Variants in ROR1 observed in about 807,000 individuals in gnomAD.
ROR1 encodes ROR family WNT receptor 1.
A neutral mutation model predicts 78.8 loss-of-function variants in ROR1; 19 were observed. The ratio of observed to expected loss-of-function variants is 0.24; its 90% confidence interval spans 0.17 to 0.35. The LOEUF is 0.35. Among genes scored for constraint, ROR1 ranks in the 10% least tolerant of loss-of-function variants. The pLI, the probability that ROR1 is intolerant of heterozygous loss-of-function variation, is 1.00. For synonymous variants in ROR1, 386 were observed against 433.6 expected (o/e 0.89, Z 1.36); for missense variants, 917 against 1,177.8 (o/e 0.78, Z 3.24).
chr1:63,999,617 C>T (rs1413938645), intron 1 of ROR1, among the ~76,000 whole-genome samples: 1 of 152,168 alleles, frequency 6.6e-6, no homozygotes, highest in Non-Finnish European at 1.5e-5. Context: ...CAATTTTGTT[C>T]ACCATTATAT....
intron 1 of ROR1, among the ~76,000 whole-genome samples, chr1:64,007,605 T>C (rs1276215913): frequency 6.6e-6 from 1 of 152,186 alleles, no homozygotes; most frequent in Non-Finnish European, 1.5e-5. Context: ...AGATTATTGA[T>C]TTGTATGTTT....
intron 1 of ROR1, among the ~76,000 whole-genome samples, chr1:63,928,784 C>A (rs1173310567): frequency 1.3e-5 from 2 of 152,278 alleles, no homozygotes; most frequent in African/African-American, 4.8e-5. Context: ...TGGGTTAATA[C>A]AAATAAAGCT....
chr1:63,865,289 G>A (rs577571031), intron 1 of ROR1, among the ~76,000 whole-genome samples: 6 of 152,268 alleles, frequency 3.9e-5, no homozygotes, highest in Admixed American at 6.5e-5. Context: ...CAGTGTTAGA[G>A]AGATGATAAA....
At chr1:64,090,948 T>C (rs1647191685) in intron 4 of ROR1, among the ~76,000 whole-genome samples, 1 of 152,110 alleles carries the variant, frequency 6.6e-6, no homozygotes, top group Non-Finnish European at 1.5e-5. Flanking sequence ...TAATGTATAA[T>C]TCAAGTAATC....
chr1:64,121,493 T>C (rs188598045), intron 4 of ROR1, among the ~76,000 whole-genome samples: 35 of 152,322 alleles, frequency 2.3e-4, no homozygotes, highest in African/African-American at 7.9e-4. Context: ...TAAACTGCCA[T>C]GAGGGCAGGG....
intron 1 of ROR1, among the ~76,000 whole-genome samples, chr1:63,872,263 T>C (rs1645256933): frequency 6.6e-6 from 1 of 152,166 alleles, no homozygotes; most frequent in African/African-American, 2.4e-5. Flanking sequence ...CACATCCTCT[T>C]TTGATGATCT....
At chr1:64,022,782 A>G (rs1646575299) in intron 2 of ROR1, among the ~76,000 whole-genome samples, 1 of 152,186 alleles carries the variant, frequency 6.6e-6, no homozygotes, top group Non-Finnish European at 1.5e-5. Flanking sequence ...GGTGATCTGA[A>G]ATTATCTCTG....
intron 1 of ROR1, among the ~76,000 whole-genome samples, chr1:63,802,406 T>TTTATTG (rs1244229897): frequency 6.6e-6 from 1 of 152,234 alleles, no homozygotes; most frequent in African/African-American, 2.4e-5. Flanking sequence ...TTTGTTTATT[T>TTTATTG]GCATGCTACT....
chr1:63,811,514 C>A (rs901168782), intron 1 of ROR1, among the ~76,000 whole-genome samples: 3 of 152,204 alleles, frequency 2.0e-5, no homozygotes, highest in Non-Finnish European at 4.4e-5. Flanking sequence ...ATGTTGCAAG[C>A]TTCTGTGGGC....
At chr1:63,836,972 A>G (rs1645021903) in intron 1 of ROR1, among the ~76,000 whole-genome samples, 1 of 152,188 alleles carries the variant, frequency 6.6e-6, no homozygotes, top group African/African-American at 2.4e-5. Flanking sequence ...GCATCAAGAC[A>G]TCGGTTCCCT....
chr1:64,007,772 C>G (rs977341715), intron 1 of ROR1, among the ~76,000 whole-genome samples: 1 of 152,096 alleles, frequency 6.6e-6, no homozygotes. Context: ...ATTCCAAACA[C>G]GACCAGTGAA....
At chr1:64,123,550 C>A (rs1258332797) in intron 4 of ROR1, among the ~76,000 whole-genome samples, 2 of 151,968 alleles carry the variant, frequency 1.3e-5, no homozygotes, top group African/African-American at 4.8e-5. Context: ...ATAAAGAATA[C>A]TAATATAAAC....
chr1:63,785,497 T>TTTTATTTA (rs56141123), intron 1 of ROR1, among the ~76,000 whole-genome samples: 10 of 147,624 alleles, frequency 6.8e-5, no homozygotes, highest in Admixed American at 1.3e-4. Flanking sequence ...TATATATATA[T>TTTTATTTA]TTTATTTATT....
At chr1:64,016,920 A>T (rs990898927) in intron 2 of ROR1, among the ~76,000 whole-genome samples, 30 of 148,698 alleles carry the variant, frequency 2.0e-4, no homozygotes, top group African/African-American at 4.2e-4. Flanking sequence ...AGGGATTATT[A>T]TTTTTTTTTT....
intron 1 of ROR1, among the ~76,000 whole-genome samples, chr1:64,008,115 C>G (rs1029643191): frequency 6.6e-6 from 1 of 152,048 alleles, no homozygotes; most frequent in Non-Finnish European, 1.5e-5. Context: ...GTTTTTCAAC[C>G]CTTGCCCCAC....
chr1:64,061,208 G>C (rs928246653), intron 4 of ROR1, among the ~76,000 whole-genome samples: 8 of 152,120 alleles, frequency 5.3e-5, no homozygotes, highest in Non-Finnish European at 8.8e-5. Flanking sequence ...ATATTACAAG[G>C]CTTTTTATTT....
intron 2 of ROR1, among the ~76,000 whole-genome samples, chr1:64,016,754 T>TA (rs1553151719): frequency 2.7e-5 from 4 of 149,308 alleles, no homozygotes; most frequent in South Asian, 2.1e-4. Flanking sequence ...TATATAAAGA[T>TA]TTTATGTGTA....
At chr1:63,825,729 T>G (rs1441858727) in intron 1 of ROR1, among the ~76,000 whole-genome samples, 1 of 152,238 alleles carries the variant, frequency 6.6e-6, no homozygotes, top group Non-Finnish European at 1.5e-5. Flanking sequence ...AGTGTCATAT[T>G]ATTCCATCAT....
chr1:63,866,685 T>G (rs976533550), intron 1 of ROR1, among the ~76,000 whole-genome samples: 3 of 152,204 alleles, frequency 2.0e-5, no homozygotes, highest in African/African-American at 7.2e-5. Context: ...GTATCTTTCA[T>G]TAGATATAGT....
Sources: allele counts gnomAD v4.1 joint callset (sites outside exome capture counted in the v4.1 genomes callset), GRCh38; gene constraint gnomAD v4.1.1; transcripts MANE v1.5; gene names NCBI Gene and HGNC (gene_info 2026-07-23, HGNC 2026-07-21).